Variants in CPNE6 observed in about 807,000 individuals in gnomAD.
CPNE6 encodes copine 6.
A neutral mutation model predicts 71.5 loss-of-function variants in CPNE6; 33 were observed. That is an observed-to-expected ratio of 0.46 (90% confidence interval 0.35 to 0.62). The LOEUF (loss-of-function observed/expected upper bound fraction) is 0.62. Ranked by LOEUF, CPNE6 falls within the 20% of genes least tolerant of loss-of-function variation. The pLI, the probability that CPNE6 is intolerant of heterozygous loss-of-function variation, is 0.00. For synonymous variants in CPNE6, 296 were observed against 293.0 expected, an observed-to-expected ratio of 1.01 and a Z score of -0.10; for missense variants, 576 against 747.3, an observed-to-expected ratio of 0.77 and a Z score of 2.67.
At chr14:24,072,588 G>A (rs757710921) in intron 2 of CPNE6, 17 of 204,014 alleles carry the variant, frequency 8.3e-5, no homozygotes, top group Non-Finnish European at 1.5e-4. Context: ...AACACCAGTC[G>A]GGAAATAGCA....
intron 13 of CPNE6, 43 bp downstream of exon 12, chr14:24,076,457 A>C: frequency 6.2e-7 from 1 of 1,614,198 alleles, no homozygotes; most frequent in Non-Finnish European, 8.5e-7. Context: ...GGGGCGTGTC[A>C]GTCAGGCAGA....
Position 24,074,936 on chromosome 14 carries a change from G to A in CPNE6, c.672+141G>A. 1.3e-6 allele frequency: 1 copy of A among 775,904 alleles called. No homozygotes were observed. Among genetic ancestry groups the A allele is most frequent in the Admixed American group, 2.2e-5 (1 of 45,896 alleles). The allele number at this position is 775,904 out of a possible 1,614,324, so 48.1% of individuals were successfully genotyped here. A position where few individuals can be genotyped will look rare whatever the true frequency, so the allele number is the denominator to read the frequency against. ...ACTGTGGGATAAATAATAGGTCACAGCTCAATGTTAAACTTCCCACATGTG... is the reference window on the plus strand; with the variant it reads ...ACTGTGGGATAAATAATAGGTCACAACTCAATGTTAAACTTCCCACATGTG... On this transcript the variant is annotated intron_variant, in intron 8 of 17. Coordinates refer to ENST00000397016, the Ensembl canonical transcript of CPNE6. The surrounding 1 kb of genome is among the most constrained non-coding windows in gnomAD (Gnocchi z 4.5).
chr14:24,075,586 T>C lies in CPNE6; in HGVS notation c.859T>C (p.Cys287Arg). 1 of 1,609,758 alleles carries C rather than the reference T, an allele frequency of 6.2e-7. No individual in the cohort carries two copies. Among genetic ancestry groups the C allele is most frequent in the Non-Finnish European group, 8.5e-7 (1 of 1,177,998 alleles). Residue 287 changes from cysteine to arginine, a missense_variant, in exon 10 of 18, where the codon TGC becomes CGC. Coordinates refer to ENST00000397016, the Ensembl canonical transcript of CPNE6. The surrounding 1 kb of genome is among the most constrained non-coding windows in gnomAD (Gnocchi z 4.3). ...CTCAGGGACGGTAGTGCTGGCCCAG[T>C]GCACGGTAAATTTCACTTCCTGCTT...
At position 24,075,327 on chromosome 14, in the gene CPNE6, C is replaced by G; in HGVS notation, c.777+51C>G. On this transcript the variant is annotated intron_variant, in intron 9 of 17. Transcript: ENST00000397016. This position sits in a 1 kb window ranked among gnomAD's most constrained non-coding sequence, Gnocchi z 4.3. ...ATCCCACCCAGATCCCTGGGAGAAT[C>G]CTGAGGGTGATGCTGAAGAGACCAC... 1 of 1,523,842 alleles carries G rather than the reference C, an allele frequency of 6.6e-7. No individual in the cohort carries two copies. Among genetic ancestry groups the G allele is most frequent in the African/African-American group, 1.4e-5 (1 of 73,176 alleles). 94.4% of individuals were successfully genotyped at this position (1,523,842 alleles called of 1,614,324 possible). A position where few individuals can be genotyped will look rare whatever the true frequency, so the allele number is the denominator to read the frequency against.
In CPNE6 at chr14:24,075,788, C is replaced by T. The variant is rs1221189831; in HGVS notation, c.865-39C>T. 6.3e-7 allele frequency: 1 copy of T among 1,595,084 alleles called. No homozygotes were observed. ...TACCCAAGCTCCCTCCTCAAAGGAC[C>T]ACCCCATCCCCTCGCCTTACCCCTC... On this transcript the variant is annotated intron_variant, in intron 10 of 17. Transcript: ENST00000397016. This position sits in a 1 kb window ranked among gnomAD's most constrained non-coding sequence, Gnocchi z 4.3.
chr14:24,075,571 G>T lies in CPNE6; in HGVS notation c.844G>T (p.Val282Leu). ...GAAGAATTACAAGAGCTCAGGGACGGTAGTGCTGGCCCAGTGCACGGTAAA... is the reference window on the plus strand; with the variant it reads ...GAAGAATTACAAGAGCTCAGGGACGTTAGTGCTGGCCCAGTGCACGGTAAA... The change falls in exon 10 of 18, where the codon GTA becomes TTA. Residue 282 changes from valine to leucine, a missense_variant. Coordinates refer to ENST00000397016, the Ensembl canonical transcript of CPNE6. The surrounding 1 kb of genome is among the most constrained non-coding windows in gnomAD (Gnocchi z 4.3). The T allele has an allele frequency of 6.2e-7, 1 of 1,611,908 alleles. No homozygotes were observed. Among genetic ancestry groups the T allele is most frequent in the Non-Finnish European group, 8.5e-7 (1 of 1,179,120 alleles).
rs1200192129 is a variant in CPNE6 at position 24,074,240 on chromosome 14, G to A, written c.424-51G>A. On this transcript the variant is annotated intron_variant, in intron 5 of 17. Coordinates refer to ENST00000397016, the Ensembl canonical transcript of CPNE6. This position sits in a 1 kb window ranked among gnomAD's most constrained non-coding sequence, Gnocchi z 4.5. Reference sequence around the variant, plus strand: ...CCACCTAAGGGAAAGGGGATGGGGTGGCCCTTGTGGTAAGGTTAGGGGAGT... The same window carrying A: ...CCACCTAAGGGAAAGGGGATGGGGTAGCCCTTGTGGTAAGGTTAGGGGAGT... The A allele has an allele frequency of 1.4e-5, 23 of 1,599,942 alleles. No homozygotes were observed. Among genetic ancestry groups the A allele is most frequent in the Non-Finnish European group, 1.6e-5 (19 of 1,167,806 alleles).
chr14:24,071,590 T>A (rs1217330218), exon 2 of CPNE6: 1 of 1,342,994 alleles, frequency 7.4e-7, no homozygotes, highest in Non-Finnish European at 1.0e-6. Context: ...AGCAAGGGAG[T>A]CAGGGCCAGG....
chr14:24,071,795 C>G, intron 2 of CPNE6, 154 bp downstream of exon 1: 1 of 554,736 alleles, frequency 1.8e-6, no homozygotes, highest in Non-Finnish European at 3.2e-6. Flanking sequence ...CCCCCAAGAA[C>G]TGGGAGACTT....
intron 14 of CPNE6, 71 bp from the exon 14 acceptor site, chr14:24,076,808 C>A (rs2036085148): frequency 8.1e-6 from 13 of 1,602,716 alleles, no homozygotes; most frequent in Non-Finnish European, 1.1e-5. Flanking sequence ...GAAGCATTTC[C>A]TTGCTTTAAG....
rs527602465 is a variant in CPNE6 at position 24,075,031 on chromosome 14, C to T, written c.673-141C>T. Reference sequence around the variant, plus strand: ...AACAAAGTTCAGCAGGTGGCCTCTCCGGGCAGGCTGAGGATGTCTGTTTGG... The same window carrying T: ...AACAAAGTTCAGCAGGTGGCCTCTCTGGGCAGGCTGAGGATGTCTGTTTGG... On this transcript the variant is annotated intron_variant, in intron 8 of 17. Transcript: ENST00000397016. The surrounding 1 kb of genome is among the most constrained non-coding windows in gnomAD (Gnocchi z 4.3). The T allele has an allele frequency of 6.0e-5, 46 of 762,164 alleles. No homozygotes were observed. Among genetic ancestry groups the T allele is most frequent in the African/African-American group, 3.1e-4 (18 of 58,236 alleles). The allele number at this position is 762,164 out of a possible 1,614,324, so 47.2% of individuals were successfully genotyped here. A position where few individuals can be genotyped will look rare whatever the true frequency, so the allele number is the denominator to read the frequency against.
At chr14:24,071,749 C>G in intron 2 of CPNE6, 108 bp downstream of exon 1, 1 of 594,936 alleles carries the variant, frequency 1.7e-6, no homozygotes, top group Non-Finnish European at 3.0e-6. Flanking sequence ...CCTGCCCAAT[C>G]CCTTCACCAC....
Position 24,075,237 on chromosome 14 carries a change from C to T in CPNE6, c.738C>T (p.Phe246=). Residue 246 remains phenylalanine, a synonymous_variant, in exon 9 of 18, where the codon TTC becomes TTT. Transcript: ENST00000397016. This position sits in a 1 kb window ranked among gnomAD's most constrained non-coding sequence, Gnocchi z 4.3. ...TCATCGGCGAGTTCACCAGCACTTT[C>T]CAGGAGATGCAGGAAGGGACGGCAA... 1.9e-6 allele frequency: 3 copies of T among 1,614,132 alleles called. No individual in the cohort carries two copies. The highest frequency in any genetic ancestry group is 2.5e-6 in the Non-Finnish European group (3 of 1,180,018).
intron 14 of CPNE6, 45 bp downstream of exon 13, chr14:24,076,602 C>A: frequency 6.2e-7 from 1 of 1,610,302 alleles, no homozygotes; most frequent in Non-Finnish European, 8.5e-7. Flanking sequence ...CGCAGACACA[C>A]TCCACACAGG....
Position 24,077,326 on chromosome 14 carries a change from GC to G in CPNE6, c.1477del (p.Arg493GlufsTer144). On this transcript the variant is annotated frameshift_variant, in exon 16 of 18. Transcript: ENST00000397016. LOFTEE classifies it high-confidence loss of function. The surrounding 1 kb of genome is among the most constrained non-coding windows in gnomAD (Gnocchi z 6.1). ...GATGGCGACGACGGCCCCTTGCGCT[GC>G]CCCCGAGGGGTGCCTGCAGCCCGAG... The G allele has an allele frequency of 6.2e-7, 1 of 1,613,816 alleles. No homozygotes were observed. Among genetic ancestry groups the G allele is most frequent in the Non-Finnish European group, 8.5e-7 (1 of 1,179,982 alleles).
At chr14:24,071,510 C>CCCCCCCCCCCCCA in intron 1 of CPNE6, 52 bp from the exon 1 acceptor site, 2 of 1,487,842 alleles carry the variant, frequency 1.3e-6, no homozygotes, top group South Asian at 1.2e-5. Context: ...CGCCCCCCCC[C>CCCCCCCCCCCCCA]ACCCCTCCCC....
At chr14:24,071,596 C>A in exon 2 of CPNE6, 2 of 1,342,822 alleles carry the variant, frequency 1.5e-6, no homozygotes, top group South Asian at 1.2e-5. Context: ...GGAGTCAGGG[C>A]CAGGGCCAGA....
chr14:24,077,848 T>C lies in CPNE6; in HGVS notation c.*38-40T>C. 1.7e-6 allele frequency: 2 copies of C among 1,184,352 alleles called. No homozygotes were observed. Among genetic ancestry groups the C allele is most frequent in the Non-Finnish European group, 2.3e-6 (2 of 888,852 alleles). The allele number at this position is 1,184,352 out of a possible 1,614,324, so 73.4% of individuals were successfully genotyped here. On this transcript the variant is annotated intron_variant, in intron 17 of 17. Coordinates refer to ENST00000397016, the Ensembl canonical transcript of CPNE6. This position sits in a 1 kb window ranked among gnomAD's most constrained non-coding sequence, Gnocchi z 6.1. ...TAGAGCCCAACTAGGCTGGGTGTAG[T>C]GTAGAAGAGAGTGCTTATGACTCTC...
In CPNE6 at chr14:24,077,066, C is replaced by A. The variant is rs1334608860; in HGVS notation, c.1299+54C>A. On this transcript the variant is annotated intron_variant, in intron 15 of 17. Coordinates refer to ENST00000397016, the Ensembl canonical transcript of CPNE6. This position sits in a 1 kb window ranked among gnomAD's most constrained non-coding sequence, Gnocchi z 6.1. ...CTGTCCCATGTGTCTTTAAGTGGTG[C>A]CAGGGCCAGGGTCTGCACCTTGGTG... 6.2e-7 allele frequency: 1 copy of A among 1,600,926 alleles called. No individual in the cohort carries two copies. Among genetic ancestry groups the A allele is most frequent in the Non-Finnish European group, 8.5e-7 (1 of 1,177,868 alleles).
Sources: gnomAD v4.1 joint callset for allele counts on GRCh38, gnomAD v4.1.1 for gene constraint, Gnocchi (gnomAD v3.1) non-coding constraint, MANE v1.5 for transcripts, NCBI Gene and HGNC (gene_info 2026-07-23, HGNC 2026-07-21) for gene names.